ATXN7L1: variants seen among roughly 807,000 people sequenced by gnomAD.
ATXN7L1 encodes ataxin-7-like protein 1.
ATXN7L1 carries 15 observed loss-of-function variants against 70.8 expected under a neutral mutation model. The ratio of observed to expected loss-of-function variants is 0.21; its 90% confidence interval spans 0.14 to 0.33. The LOEUF is 0.33. Ranked by LOEUF, ATXN7L1 falls within the 10% of genes least tolerant of loss-of-function variation. The pLI, the probability that ATXN7L1 is intolerant of heterozygous loss-of-function variation, is 1.00. For synonymous variants in ATXN7L1, 440 were observed against 445.1 expected (o/e 0.99, Z 0.14); for missense variants, 975 against 1,097.1 (o/e 0.89, Z 1.57).
intron 2 of ATXN7L1, among the ~76,000 whole-genome samples, chr7:105,795,802 T>C (rs537191549): frequency 1.3e-5 from 2 of 152,316 alleles, no homozygotes; most frequent in African/African-American, 4.8e-5. Flanking sequence ...TAAATTCTAG[T>C]TTCTTGGAAA....
intron 4 of ATXN7L1, among the ~76,000 whole-genome samples, chr7:105,662,070 CCTTCCTTCCTTCTTTCTTTTCT>C (rs1801760451): frequency 1.2e-5 from 1 of 83,054 alleles, no homozygotes; most frequent in African/African-American, 3.5e-5. Context: ...TTCCTTCCTT[CCTTCCTTCCTTCTTTCTTTTCT>C]TTTCTTTTCT....
chr7:105,695,803 C>T (rs1445332161), intron 3 of ATXN7L1, among the ~76,000 whole-genome samples: 1 of 152,208 alleles, frequency 6.6e-6, no homozygotes, highest in Non-Finnish European at 1.5e-5. Flanking sequence ...CAAATGGACA[C>T]ACGCACAGCT....
At chr7:105,768,731 T>C (rs1002058370) in intron 3 of ATXN7L1, among the ~76,000 whole-genome samples, 1 of 152,254 alleles carries the variant, frequency 6.6e-6, no homozygotes, top group African/African-American at 2.4e-5. Context: ...AAGGGTAGAC[T>C]AGAACCTACA....
chr7:105,814,874 G>A (rs958594914), intron 2 of ATXN7L1, among the ~76,000 whole-genome samples: 1 of 152,188 alleles, frequency 6.6e-6, no homozygotes, highest in Admixed American at 6.5e-5. Flanking sequence ...GCTTCCTCCT[G>A]GGGCTTTGTA....
chr7:105,664,251 A>G (rs953345848), intron 4 of ATXN7L1, among the ~76,000 whole-genome samples: 1 of 151,954 alleles, frequency 6.6e-6, no homozygotes, highest in Admixed American at 6.6e-5. Context: ...CACCAGGCAC[A>G]CTGTCAGTGC....
At chr7:105,868,297 G>T (rs779928105) in intron 2 of ATXN7L1, among the ~76,000 whole-genome samples, 1 of 152,150 alleles carries the variant, frequency 6.6e-6, no homozygotes, top group Non-Finnish European at 1.5e-5. Context: ...TCGCCACCAG[G>T]CTGGAAGCAC....
intron 3 of ATXN7L1, chr7:105,691,594 A>T (rs1790844880): frequency 6.6e-6 from 1 of 151,154 alleles, no homozygotes; most frequent in Non-Finnish European, 1.5e-5. Flanking sequence ...ATCTGATGCT[A>T]CGACGACTGT....
intron 2 of ATXN7L1, among the ~76,000 whole-genome samples, chr7:105,816,326 A>G (rs1190297631): frequency 6.6e-6 from 1 of 152,254 alleles, no homozygotes; most frequent in Non-Finnish European, 1.5e-5. Flanking sequence ...AACTGGTTTT[A>G]GAAAACTCTG....
chr7:105,638,678 C>A, intron 6 of ATXN7L1, 69 bp from the exon 7 acceptor site: 1 of 1,459,876 alleles, frequency 6.8e-7, no homozygotes, highest in South Asian at 1.4e-5. Flanking sequence ...CCAGGCCCTC[C>A]ATTTCAGAAA....
At chr7:105,822,243 C>T (rs751138922) in intron 2 of ATXN7L1, among the ~76,000 whole-genome samples, 4 of 152,130 alleles carry the variant, frequency 2.6e-5, no homozygotes, top group Non-Finnish European at 4.4e-5. Context: ...TTTAAGGCAG[C>T]GTAGGCAACA....
intron 2 of ATXN7L1, among the ~76,000 whole-genome samples, chr7:105,825,293 A>T (rs1810711635): frequency 1.3e-5 from 2 of 152,306 alleles, no homozygotes; most frequent in African/African-American, 4.8e-5. Context: ...CAGGACGAAG[A>T]CAGGCTTCCA....
At chr7:105,848,783 T>C (rs1466120637) in intron 2 of ATXN7L1, among the ~76,000 whole-genome samples, 2 of 152,184 alleles carry the variant, frequency 1.3e-5, no homozygotes, top group Non-Finnish European at 2.9e-5. Flanking sequence ...AGGCCCTCCA[T>C]GATTGCAGCT....
At chr7:105,844,963 G>T (rs1367313801) in intron 2 of ATXN7L1, among the ~76,000 whole-genome samples, 1 of 152,090 alleles carries the variant, frequency 6.6e-6, no homozygotes, top group Non-Finnish European at 1.5e-5. Context: ...CCAGCACTTT[G>T]GGAGGCTGAG....
intron 3 of ATXN7L1, among the ~76,000 whole-genome samples, chr7:105,670,315 G>T (rs939657744): frequency 9.2e-5 from 14 of 152,232 alleles, no homozygotes; most frequent in African/African-American, 2.6e-4. Context: ...TTTGATTAAG[G>T]GACTGCCTAA....
intron 3 of ATXN7L1, among the ~76,000 whole-genome samples, chr7:105,703,005 A>G (rs1360507326): frequency 6.6e-6 from 1 of 152,198 alleles, no homozygotes; most frequent in African/African-American, 2.4e-5. Context: ...AGTCCCAGCC[A>G]CTTGGGAGGC....
At chr7:105,663,362 C>A (rs1284451572) in intron 4 of ATXN7L1, among the ~76,000 whole-genome samples, 1 of 152,234 alleles carries the variant, frequency 6.6e-6, no homozygotes, top group Non-Finnish European at 1.5e-5. Context: ...TCACAAGAGG[C>A]TCTGTAATTG....
intron 3 of ATXN7L1, among the ~76,000 whole-genome samples, chr7:105,767,676 G>T (rs964212464): frequency 7.2e-5 from 11 of 152,200 alleles, no homozygotes; most frequent in African/African-American, 2.7e-4. Flanking sequence ...TGAAATTGAG[G>T]CACAGAGAGA....
intron 2 of ATXN7L1, chr7:105,819,673 A>G: frequency 1.1e-6 from 1 of 944,798 alleles, no homozygotes; most frequent in Non-Finnish European, 1.7e-6. Context: ...CTCCGCAAGC[A>G]GATGAACACC....
chr7:105,619,140 G>GTT lies in ATXN7L1; in HGVS notation c.1517+1058_1517+1059dup, dbSNP rs1191774371. Among the ~76,000 whole-genome samples the GTT allele has an allele frequency of 1.5e-3, 74 of 49,834 alleles. 21 individuals are homozygous for GTT. In the East Asian group the frequency reaches 0.026, roughly 18 times the overall value. 32.7% of individuals were successfully genotyped at this position (49,834 alleles called of 152,430 possible). A position where few individuals can be genotyped will look rare whatever the true frequency, so the allele number is the denominator to read the frequency against. ...GTCCACAACCATAATGAAATCTTTA[G>GTT]TTTTTTTTTTTTTTTTTTTTTTTTT... On this transcript the variant is annotated intron_variant, in intron 9 of 11. Coordinates refer to ENST00000419735, the MANE Select transcript of ATXN7L1 (RefSeq NM_020725.2).
Sources: gnomAD v4.1 joint callset for allele counts (sites outside exome capture counted in the v4.1 genomes callset) on GRCh38, gnomAD v4.1.1 for gene constraint, MANE v1.5 for transcripts, NCBI Gene and HGNC (gene_info 2026-07-23, HGNC 2026-07-21) for gene names.